GSTA3: variants seen among roughly 807,000 people sequenced by gnomAD.
The protein encoded by GSTA3 is glutathione S-transferase A3.
Under a neutral mutation model 23.1 loss-of-function variants are expected in GSTA3, and 16 were observed. The ratio of observed to expected loss-of-function variants is 0.69; its 90% CI spans 0.47 to 1.05. The LOEUF is 1.05. GSTA3 is among the 50% of genes least tolerant of loss of function. The pLI, the probability that GSTA3 is intolerant of heterozygous loss-of-function variation, is 0.00. For synonymous variants in GSTA3, 122 were observed against 91.0 expected (o/e 1.34, Z -1.94); for missense variants, 319 against 263.6 (o/e 1.21, Z -1.46).
intron 2 of GSTA3, among the ~76,000 whole-genome samples, chr6:52,905,198 C>A (rs550102074): frequency 6.6e-6 from 1 of 152,190 alleles, no homozygotes; most frequent in African/African-American, 2.4e-5. Context: ...TTTCAATCAT[C>A]TAGCTGCAGT....
chr6:52,909,542 G>A (rs1180214949), intron 1 of GSTA3, 99 bp downstream of exon 1: 1 of 152,154 alleles, frequency 6.6e-6, no homozygotes, highest in Admixed American at 6.5e-5. Context: ...AAAACAGCAA[G>A]AACATAAAGT....
At chr6:52,908,798 G>T (rs903650706) in intron 1 of GSTA3, among the ~76,000 whole-genome samples, 1 of 152,136 alleles carries the variant, frequency 6.6e-6, no homozygotes, top group Non-Finnish European at 1.5e-5. Flanking sequence ...AGCTTAAGAG[G>T]GGGTTATTAT....
chr6:52,901,610 G>A (rs954766067), intron 4 of GSTA3, among the ~76,000 whole-genome samples: 2 of 152,208 alleles, frequency 1.3e-5, no homozygotes, highest in African/African-American at 4.8e-5. Context: ...ACAAGATTTG[G>A]TGTGGAAGTA....
At chr6:52,896,954 G>C (rs939267008) in intron 6 of GSTA3, 26 bp from the exon 7 acceptor site, 1 of 1,612,992 alleles carries the variant, frequency 6.2e-7, no homozygotes, top group Non-Finnish European at 8.5e-7. Context: ...CACAGCCTCA[G>C]AGTGAAGCCA....
intron 2 of GSTA3, 45 bp downstream of exon 2, chr6:52,905,703 A>C (rs762940552): frequency 2.3e-5 from 25 of 1,092,550 alleles, no homozygotes; most frequent in Middle Eastern, 2.0e-4. Flanking sequence ...ATATTTTGAT[A>C]CAGTCAATTA....
chr6:52,901,394 C>T (rs6935603), intron 4 of GSTA3, among the ~76,000 whole-genome samples: 66,920 of 152,018 alleles, frequency 0.44, 16,366 homozygotes, highest in African/African-American at 0.63. Flanking sequence ...GACTTCTGTG[C>T]CTAATTTCTT....
In GSTA3 at chr6:52,905,862, T is replaced by C. The variant is rs1270221930; in HGVS notation, c.-21-7A>G. On this transcript the variant is annotated splice_region_variant and splice_polypyrimidine_tract_variant and intron_variant, in intron 1 of 6. Transcript: ENST00000211122. ...TAACAGTCTCTTGGTTTCTCTAAAATGAATGAATGAATGCATGAATGGATG... is the reference window on the plus strand; with the variant it reads ...TAACAGTCTCTTGGTTTCTCTAAAACGAATGAATGAATGCATGAATGGATG... 5 of 1,266,936 alleles carry C rather than the reference T, an allele frequency of 3.9e-6. No homozygotes were observed. The highest frequency in any genetic ancestry group is 1.5e-5 in the African/African-American group (1 of 67,428). 78.5% of individuals were successfully genotyped at this position (1,266,936 alleles called of 1,614,324 possible).
chr6:52,907,287 C>T lies in GSTA3; in HGVS notation c.-21-1432G>A, dbSNP rs1173168684. 5.8e-4 allele frequency among the ~76,000 whole-genome samples: 68 copies of T among 117,660 alleles called. 1 individual carries two copies. The highest frequency in any genetic ancestry group is 1.3e-4 in the Non-Finnish European group (8 of 59,902). 77.2% of individuals were successfully genotyped at this position (117,660 alleles called of 152,430 possible). A position where few individuals can be genotyped will look rare whatever the true frequency, so the allele number is the denominator to read the frequency against. On this transcript the variant is annotated intron_variant, in intron 1 of 6. Transcript: ENST00000211122. ...ACCACAATGAGATACCATCTCACAC[C>T]AGTTAGAATGGCAATCATTAAAAAG...
chr6:52,900,028 A>C lies in GSTA3; in HGVS notation c.320T>G (p.Leu107Arg), dbSNP rs962548837. The C allele has an allele frequency of 1.2e-6, 2 of 1,612,994 alleles. No homozygotes were observed. The highest frequency in any genetic ancestry group is 1.7e-5 in the Admixed American group (1 of 60,020). Residue 107 changes from leucine to arginine, a missense_variant, in exon 5 of 7, where the codon CTT becomes CGT. Leu to Arg is a moderately radical substitution (Grantham distance 102, BLOSUM62 -2). Coordinates refer to ENST00000211122, the MANE Select transcript of GSTA3 (RefSeq NM_000847.5). ...EGMADLNEMI[L>R]LLPLCRPEEK... ...CTCAGGTCGACATAAGGGCAGAAGA[A>C]GGATCATTTCATTCAAATCTGCCAT...
intron 3 of GSTA3, among the ~76,000 whole-genome samples, 155 bp from the exon 4 acceptor site, chr6:52,902,633 C>T (rs1190264849): frequency 2.0e-5 from 3 of 152,184 alleles, no homozygotes; most frequent in Non-Finnish European, 2.9e-5. Context: ...ATTTTAGCTG[C>T]CTGTAGTTCT....
chr6:52,903,163 C>T (rs1323049504), intron 3 of GSTA3, among the ~76,000 whole-genome samples: 2 of 152,048 alleles, frequency 1.3e-5, no homozygotes, highest in African/African-American at 4.8e-5. Context: ...TCTGAGAGGT[C>T]TGGCCTTTTA....
At chr6:52,901,006 C>T (rs1765664924) in intron 4 of GSTA3, among the ~76,000 whole-genome samples, 1 of 152,216 alleles carries the variant, frequency 6.6e-6, no homozygotes, top group Admixed American at 6.5e-5. Context: ...CCTAAAAGAT[C>T]CCCTTCCTTG....
intron 1 of GSTA3, among the ~76,000 whole-genome samples, chr6:52,908,389 C>T (rs943502372): frequency 4.6e-5 from 7 of 152,118 alleles, no homozygotes; most frequent in African/African-American, 1.4e-4. Context: ...GTGTCCCACA[C>T]CTGTAGTCCC....
intron 1 of GSTA3, among the ~76,000 whole-genome samples, chr6:52,909,328 C>T (rs528380920): frequency 2.6e-5 from 4 of 152,290 alleles, no homozygotes; most frequent in South Asian, 4.2e-4. Flanking sequence ...TAATAAACAG[C>T]TTTTCCATAA....
intron 1 of GSTA3, among the ~76,000 whole-genome samples, chr6:52,907,398 T>A (rs1765926892): frequency 6.9e-6 from 1 of 144,756 alleles, no homozygotes; most frequent in Non-Finnish European, 1.5e-5. Context: ...GTTCAACCAT[T>A]GTGGAAGTCA....
At position 52,897,974 on chromosome 6, in the gene GSTA3, T is replaced by A. The variant is rs765428043; in HGVS notation, c.415-18A>T. Reference sequence around the variant, plus strand: ...TGTAACACCTGGAGAATTTGAGGAATCAGATCAGGAATACATGCGCACCCA... The same window carrying A: ...TGTAACACCTGGAGAATTTGAGGAAACAGATCAGGAATACATGCGCACCCA... On this transcript the variant is annotated intron_variant, in intron 5 of 6. Coordinates refer to ENST00000211122, the MANE Select transcript of GSTA3 (RefSeq NM_000847.5). 5.6e-6 allele frequency: 9 copies of A among 1,613,826 alleles called. No individual in the cohort carries two copies. Among genetic ancestry groups the A allele is most frequent in the Non-Finnish European group, 6.8e-6 (8 of 1,179,802 alleles).
At position 52,897,819 on chromosome 6, in the gene GSTA3, G is replaced by T. The variant is rs1396288910; in HGVS notation, c.546+6C>A. ...CTGTCTCTCTGAGGGCTGTGAAATG[G>T]GTCACCTTCAGCAGAGGGAAGTTGG... On this transcript the variant is annotated splice_donor_region_variant and intron_variant, in intron 6 of 6. Transcript: ENST00000211122. The T allele has an allele frequency of 3.1e-6, 5 of 1,613,256 alleles. No homozygotes were observed. Among genetic ancestry groups the T allele is most frequent in the Non-Finnish European group, 4.2e-6 (5 of 1,179,660 alleles).
rs1765876493 is a variant in GSTA3, at chr6:52,905,921, A to G, written c.-21-66T>C. 5 of 723,144 alleles carry G rather than the reference A, an allele frequency of 6.9e-6. No individual in the cohort carries two copies. In the East Asian group the frequency reaches 1.4e-4, roughly 20 times the overall value. The allele number at this position is 723,144 out of a possible 1,614,324, so 44.8% of individuals were successfully genotyped here. Reference sequence around the variant, plus strand: ...AGTCTAGAGAAGCAAAATGCACGCTAGTATATGAATGGTTGAACAACAGGA... The same window carrying G: ...AGTCTAGAGAAGCAAAATGCACGCTGGTATATGAATGGTTGAACAACAGGA... On this transcript the variant is annotated intron_variant, in intron 1 of 6. Coordinates refer to ENST00000211122, the MANE Select transcript of GSTA3 (RefSeq NM_000847.5).
Position 52,902,433 on chromosome 6 carries a change from C to A in GSTA3, c.185G>T (p.Gly62Val). 1 of 1,613,742 alleles carries A rather than the reference C, an allele frequency of 6.2e-7. No homozygotes were observed. The highest frequency in any genetic ancestry group is 8.5e-7 in the Non-Finnish European group (1 of 1,179,728). ...GGCTCTGGTCTGTACCAACTTCATCCCATCAATCTCAACCATTGGTACTTG... is the reference window on the plus strand; with the variant it reads ...GGCTCTGGTCTGTACCAACTTCATCACATCAATCTCAACCATTGGTACTTG... Reference protein sequence around the residue: ...FQQVPMVEIDGMKLVQTRAIL... With the variant: ...FQQVPMVEIDVMKLVQTRAIL... The change falls in exon 4 of 7, where the codon GGG (glycine) becomes GTG (valine). Residue 62 changes from glycine to valine, a missense_variant. By Grantham distance (109) the Gly-to-Val change is moderately radical. Coordinates refer to ENST00000211122, the MANE Select transcript of GSTA3 (RefSeq NM_000847.5).
Sources: allele counts gnomAD v4.1 joint callset (sites outside exome capture counted in the v4.1 genomes callset), GRCh38; gene constraint gnomAD v4.1.1; transcripts MANE v1.5; gene names NCBI Gene and HGNC (gene_info 2026-07-23, HGNC 2026-07-21).